The following CAMK2D variants were observed in gnomAD, a reference collection of about 807,000 sequenced individuals.
The protein encoded by CAMK2D is calcium/calmodulin-dependent protein kinase type II subunit delta.
In CAMK2D, 37 loss-of-function variants were observed where a neutral mutation model predicts 84.0. That is an observed-to-expected ratio of 0.44 (90% CI 0.34 to 0.58). The LOEUF (loss-of-function observed/expected upper bound fraction) is 0.58. CAMK2D is among the 20% of genes least tolerant of loss of function. The probability of loss-of-function intolerance (pLI) is 0.02; values close to 1 mark genes in which losing one functional copy is unlikely to be tolerated. For synonymous variants in CAMK2D, 202 were observed against 212.5 expected, an observed-to-expected ratio of 0.95 and a Z score of 0.43; for missense variants, 448 against 652.5, an observed-to-expected ratio of 0.69 and a Z score of 3.41.
intron 2 of CAMK2D, among the ~76,000 whole-genome samples, chr4:113,691,780 T>C (rs1030230222): frequency 3.3e-5 from 5 of 151,418 alleles, no homozygotes; most frequent in Admixed American, 6.6e-5. Context: ...AAAAATAAAA[T>C]GAGTAAATGT....
intron 2 of CAMK2D, among the ~76,000 whole-genome samples, chr4:113,753,009 TTAAGA>T (rs2099620827): frequency 6.6e-6 from 1 of 152,034 alleles, no homozygotes; most frequent in Admixed American, 6.6e-5. Context: ...TACAGACAGA[TTAAGA>T]TAAGTCCTCT....
Position 113,694,116 on chromosome 4 carries a change from C to T in CAMK2D, c.161-32344G>A, listed in dbSNP as rs370018232. 1.1e-4 allele frequency among the ~76,000 whole-genome samples: 17 copies of T among 152,062 alleles called. No homozygotes were observed. The East Asian group carries it at 2.1e-3, about 19-fold the overall frequency. On this transcript the variant is annotated intron_variant, in intron 2 of 20. Transcript: ENST00000511664. Reference sequence around the variant, plus strand: ...GCTAACCAGTTTATCTAGGGGTAGGCGGATTAATACAGGGGTGTAAGAAAC... The same window carrying T: ...GCTAACCAGTTTATCTAGGGGTAGGTGGATTAATACAGGGGTGTAAGAAAC...
intron 2 of CAMK2D, among the ~76,000 whole-genome samples, chr4:113,738,239 C>T (rs1433282675): frequency 1.4e-5 from 2 of 147,512 alleles, no homozygotes; most frequent in Non-Finnish European, 3.0e-5. Flanking sequence ...TGAGAAAAAA[C>T]TAAGTTAGAT....
intron 2 of CAMK2D, among the ~76,000 whole-genome samples, chr4:113,663,222 A>G (rs1237772507): frequency 6.6e-6 from 1 of 152,216 alleles, no homozygotes; most frequent in African/African-American, 2.4e-5. Flanking sequence ...GCAAACACAA[A>G]AAGTAAAGGT....
At chr4:113,757,986 A>G (rs753642405) in intron 2 of CAMK2D, among the ~76,000 whole-genome samples, 1 of 152,198 alleles carries the variant, frequency 6.6e-6, no homozygotes, top group Non-Finnish European at 1.5e-5. Flanking sequence ...TGCTTTCAAA[A>G]GAAATGATAC....
At chr4:113,697,695 T>C (rs1479655811) in intron 2 of CAMK2D, among the ~76,000 whole-genome samples, 2 of 152,086 alleles carry the variant, frequency 1.3e-5, no homozygotes, top group Admixed American at 6.6e-5. Context: ...ATGACTCATA[T>C]AATACCTGTT....
intron 2 of CAMK2D, among the ~76,000 whole-genome samples, chr4:113,715,438 T>G (rs2099510563): frequency 6.6e-6 from 1 of 152,154 alleles, no homozygotes; most frequent in Non-Finnish European, 1.5e-5. Context: ...TGAGTTTATA[T>G]CATAAAAGAC....
chr4:113,470,296 C>G (rs1017366822), intron 16 of CAMK2D, among the ~76,000 whole-genome samples: 1 of 152,132 alleles, frequency 6.6e-6, no homozygotes, highest in African/African-American at 2.4e-5. Flanking sequence ...TGCACCCCCC[C>G]CATTTTGCTC....
intron 4 of CAMK2D, among the ~76,000 whole-genome samples, chr4:113,593,328 C>A (rs933455842): frequency 2.6e-5 from 4 of 152,194 alleles, no homozygotes; most frequent in African/African-American, 9.6e-5. Context: ...CAAACTGCTG[C>A]CCCTAAAATT....
intron 4 of CAMK2D, among the ~76,000 whole-genome samples, chr4:113,572,666 C>A (rs1458588204): frequency 3.9e-5 from 6 of 151,946 alleles, no homozygotes; most frequent in Non-Finnish European, 8.8e-5. Context: ...AAAGAGAAAC[C>A]CTTATGCGTT....
At chr4:113,554,557 A>T (rs572248545) in intron 4 of CAMK2D, among the ~76,000 whole-genome samples, 1 of 152,266 alleles carries the variant, frequency 6.6e-6, no homozygotes, top group South Asian at 2.1e-4. Context: ...CATTATTTAA[A>T]AATATCTTTA....
At chr4:113,645,958 T>C (rs1380940911) in intron 3 of CAMK2D, among the ~76,000 whole-genome samples, 1 of 152,180 alleles carries the variant, frequency 6.6e-6, no homozygotes, top group East Asian at 1.9e-4. Context: ...AATTTCAGAA[T>C]ACGATAAGGA....
intron 18 of CAMK2D, among the ~76,000 whole-genome samples, chr4:113,458,151 A>T (rs1025371711): frequency 1.3e-5 from 2 of 152,208 alleles, no homozygotes; most frequent in African/African-American, 4.8e-5. Flanking sequence ...AGTCCATTCC[A>T]TGATAGTCCA....
chr4:113,610,138 GA>G (rs2098994081), intron 3 of CAMK2D, among the ~76,000 whole-genome samples: 1 of 151,880 alleles, frequency 6.6e-6, no homozygotes, highest in African/African-American at 2.4e-5. Flanking sequence ...TTGATGTACA[GA>G]TTATTTTGTC....
intron 2 of CAMK2D, among the ~76,000 whole-genome samples, chr4:113,713,426 ATAAT>A (rs1405437944): frequency 2.0e-5 from 3 of 148,536 alleles, no homozygotes; most frequent in African/African-American, 7.3e-5. Flanking sequence ...TATATTATAT[ATAAT>A]TAAATGTAAA....
At chr4:113,538,068 T>C (rs2098505421) in intron 6 of CAMK2D, among the ~76,000 whole-genome samples, 1 of 152,200 alleles carries the variant, frequency 6.6e-6, no homozygotes, top group Admixed American at 6.5e-5. Context: ...TGCCAAATGT[T>C]ATAGTCAGCT....
chr4:113,746,088 A>G (rs1256932307), intron 2 of CAMK2D, among the ~76,000 whole-genome samples: 1 of 152,210 alleles, frequency 6.6e-6, no homozygotes, highest in Non-Finnish European at 1.5e-5. Flanking sequence ...CCAAAGACTC[A>G]TTTCTCATGC....
intron 2 of CAMK2D, among the ~76,000 whole-genome samples, chr4:113,691,198 A>G (rs187479888): frequency 6.6e-6 from 1 of 152,218 alleles, no homozygotes; most frequent in African/African-American, 2.4e-5. Flanking sequence ...GTCACCCATT[A>G]CAACACTTTG....
intron 14 of CAMK2D, 112 bp downstream of exon 14, chr4:113,504,864 C>T (rs1275310268): frequency 3.2e-5 from 12 of 369,424 alleles, no homozygotes; most frequent in South Asian, 1.3e-4. Context: ...CAACACCCAA[C>T]GAAATAAAAT....
Sources: gnomAD v4.1 joint callset for allele counts (sites outside exome capture counted in the v4.1 genomes callset) on GRCh38, gnomAD v4.1.1 for gene constraint, MANE v1.5 for transcripts, NCBI Gene and HGNC (gene_info 2026-07-23, HGNC 2026-07-21) for gene names.